GRIN2B: variants seen among roughly 807,000 people sequenced by gnomAD.
The protein encoded by GRIN2B is glutamate receptor ionotropic, NMDA 2B.
A neutral mutation model predicts 114.5 loss-of-function variants in GRIN2B; 5 were observed. That is an observed-to-expected ratio of 0.04 (90% CI 0.02 to 0.09). GRIN2B has a LOEUF of 0.09. GRIN2B is among the 10% of genes least tolerant of loss of function. GRIN2B has a pLI of 1.00. For synonymous variants in GRIN2B, 787 were observed against 745.1 expected, an observed-to-expected ratio of 1.06 and a Z score of -0.92; for missense variants, 1,108 against 1,943.5, an observed-to-expected ratio of 0.57 and a Z score of 8.08.
At chr12:13,576,420 C>A (rs1345543362) in intron 10 of GRIN2B, among the ~76,000 whole-genome samples, 1 of 151,950 alleles carries the variant, frequency 6.6e-6, no homozygotes, top group African/African-American at 2.4e-5. Context: ...CAGTGAGGAC[C>A]CTGAAAAAAT....
At chr12:13,702,120 AC>A (rs1950318668) in intron 4 of GRIN2B, among the ~76,000 whole-genome samples, 1 of 152,212 alleles carries the variant, frequency 6.6e-6, no homozygotes, top group South Asian at 2.1e-4. Context: ...TCTTTCATGT[AC>A]GTAATTGTTC....
intron 5 of GRIN2B, among the ~76,000 whole-genome samples, chr12:13,628,906 T>C (rs1565482457): frequency 6.6e-6 from 1 of 152,062 alleles, no homozygotes; most frequent in Non-Finnish European, 1.5e-5. Flanking sequence ...TGAATACATA[T>C]GAAAAGAAAC....
intron 2 of GRIN2B, among the ~76,000 whole-genome samples, chr12:13,946,305 T>A (rs909245266): frequency 6.6e-6 from 1 of 152,172 alleles, no homozygotes; most frequent in South Asian, 2.1e-4. Flanking sequence ...ACTTCACCAC[T>A]CTTCCAAATT....
intron 10 of GRIN2B, among the ~76,000 whole-genome samples, chr12:13,577,940 G>A (rs756200570): frequency 6.6e-6 from 1 of 152,184 alleles, no homozygotes; most frequent in Non-Finnish European, 1.5e-5. Flanking sequence ...TAAGCATTCA[G>A]CAAGTATTTG....
intron 2 of GRIN2B, among the ~76,000 whole-genome samples, chr12:13,941,244 T>C (rs961964572): frequency 6.6e-6 from 1 of 152,154 alleles, no homozygotes; most frequent in Non-Finnish European, 1.5e-5. Context: ...TTTTAGTATT[T>C]TGATACTCCT....
At position 13,547,981 on chromosome 12, in the gene GRIN2B, A is replaced by ATATATATATTTT; in HGVS notation, c.*14801_*14802insAAAATATATATA. The ATATATATATTTT allele has an allele frequency of 1.0e-4, 7 of 68,546 alleles. No homozygotes were observed. The highest frequency in any genetic ancestry group is 1.5e-4 in the Non-Finnish European group (5 of 34,362). 4.2% of individuals were successfully genotyped at this position (68,546 alleles called of 1,614,324 possible). ...TGTGTATATATATATATATATATAT[A>ATATATATATTTT]TTTTTTTTTTTTTTCTGAAAGCTAC... On this transcript the variant is annotated 3_prime_UTR_variant, in exon 14 of 14. Coordinates refer to ENST00000609686, the MANE Select transcript of GRIN2B (RefSeq NM_000834.5).
chr12:13,966,839 C>G lies in GRIN2B; in HGVS notation c.-19+13089G>C, dbSNP rs116587236. Among the ~76,000 whole-genome samples the G allele has an allele frequency of 6.2e-3, 947 of 152,288 alleles. 10 individuals carry two copies. The highest frequency in any genetic ancestry group is 0.021 in the African/African-American group (867 of 41,546). ...TAAAAACCCAGAATTATTAATACTC[C>G]ATTTGATGGATAAGGAATCTGATAG... On this transcript the variant is annotated intron_variant, in intron 2 of 13. Transcript: ENST00000609686.
intron 2 of GRIN2B, among the ~76,000 whole-genome samples, chr12:13,902,151 A>G (rs1866462592): frequency 6.6e-6 from 1 of 152,192 alleles, no homozygotes; most frequent in African/African-American, 2.4e-5. Flanking sequence ...TAGTTAATGT[A>G]ATGTAAAATA....
chr12:13,791,537 A>G (rs2136665280), intron 3 of GRIN2B, among the ~76,000 whole-genome samples: 1 of 152,172 alleles, frequency 6.6e-6, no homozygotes, highest in South Asian at 2.1e-4. Context: ...AGAATGCACC[A>G]TGGACAGTAT....
intron 2 of GRIN2B, among the ~76,000 whole-genome samples, chr12:13,956,206 T>C (rs1468998199): frequency 6.6e-6 from 1 of 152,088 alleles, no homozygotes; most frequent in Admixed American, 6.5e-5. Context: ...AGTGCACGAA[T>C]GAGCTGGAGC....
At position 13,542,480 on chromosome 12, in the gene GRIN2B, G is replaced by A. The variant is rs1431393977; in HGVS notation, c.*20303C>T. The A allele has an allele frequency of 6.6e-6, 1 of 152,148 alleles. No homozygotes were observed. Among genetic ancestry groups the A allele is most frequent in the Non-Finnish European group, 1.5e-5 (1 of 68,016 alleles). The allele number at this position is 152,148 out of a possible 1,614,324, so 9.4% of individuals were successfully genotyped here. On this transcript the variant is annotated 3_prime_UTR_variant, in exon 14 of 14. Transcript: ENST00000609686. ...GTTAGCAGTGGGGTTTTTAGTAGAAGTTAAAAAAGCAAATATCAGGACTGA... is the reference window on the plus strand; with the variant it reads ...GTTAGCAGTGGGGTTTTTAGTAGAAATTAAAAAAGCAAATATCAGGACTGA...
At chr12:13,695,502 A>AAGAAG (rs1950252258) in intron 4 of GRIN2B, among the ~76,000 whole-genome samples, 1 of 152,200 alleles carries the variant, frequency 6.6e-6, no homozygotes, top group Admixed American at 6.5e-5. Context: ...CTACTTGGCA[A>AAGAAG]AGAAGAGAAG....
In GRIN2B at chr12:13,558,173, G is replaced by A. The variant is rs1278359986; in HGVS notation, c.*4610C>T. On this transcript the variant is annotated 3_prime_UTR_variant, in exon 14 of 14. Coordinates refer to ENST00000609686, the MANE Select transcript of GRIN2B (RefSeq NM_000834.5). The stretch of plus-strand genomic sequence containing the variant: ...CTGCTGTAGTGTGTAGCAGCCTACT[G>A]AGCATGTATTTCCTATATGGCTTTG... 6.6e-6 allele frequency: 1 copy of A among 152,156 alleles called. No individual in the cohort carries two copies. The highest frequency in any genetic ancestry group is 2.4e-5 in the African/African-American group (1 of 41,436). 9.4% of individuals were successfully genotyped at this position (152,156 alleles called of 1,614,324 possible). A position where few individuals can be genotyped will look rare whatever the true frequency, so the allele number is the denominator to read the frequency against.
intron 4 of GRIN2B, among the ~76,000 whole-genome samples, chr12:13,703,581 C>T (rs772987362): frequency 1.3e-5 from 2 of 152,052 alleles, no homozygotes; most frequent in Non-Finnish European, 2.9e-5. Context: ...TTTAATCTCT[C>T]TCTCTACACA....
chr12:13,886,871 T>G (rs969932545), intron 2 of GRIN2B, among the ~76,000 whole-genome samples: 2 of 152,234 alleles, frequency 1.3e-5, no homozygotes, highest in African/African-American at 4.8e-5. Flanking sequence ...TCATGTCACA[T>G]GCACACTCCA....
rs115131149 is a variant in GRIN2B, at chr12:13,893,552, T to C, written c.-18-27326A>G. 7.8e-3 allele frequency among the ~76,000 whole-genome samples: 1,188 copies of C among 152,242 alleles called. 21 individuals carry two copies. Among genetic ancestry groups the C allele is most frequent in the African/African-American group, 0.027 (1,142 of 41,562 alleles). On this transcript the variant is annotated intron_variant, in intron 2 of 13. Transcript: ENST00000609686. ...TATTTGTTTAATCATTATTAACTAA[T>C]GCCAAATCAGAAAAACTTAAGACTT...
chr12:13,841,383 A>G (rs1865376958), intron 3 of GRIN2B, among the ~76,000 whole-genome samples: 1 of 152,202 alleles, frequency 6.6e-6, no homozygotes, highest in South Asian at 2.1e-4. Context: ...ATTGATGAAT[A>G]TGTCACACGG....
intron 2 of GRIN2B, among the ~76,000 whole-genome samples, chr12:13,913,400 G>A (rs1277968272): frequency 1.3e-5 from 2 of 152,052 alleles, no homozygotes; most frequent in Non-Finnish European, 2.9e-5. Context: ...CTCTAACAGT[G>A]CCCCCTTTGA....
In GRIN2B at chr12:13,558,601, C is replaced by A. The variant is rs1948502184; in HGVS notation, c.*4182G>T. ...CACGGAAGACCGGGTGAGTGATAGT[C>A]ACTTAACTGTATAGACAACTCCTAC... On this transcript the variant is annotated 3_prime_UTR_variant, in exon 14 of 14. Coordinates refer to ENST00000609686, the MANE Select transcript of GRIN2B (RefSeq NM_000834.5). 6.6e-6 allele frequency: 1 copy of A among 152,170 alleles called. No homozygotes were observed. Among genetic ancestry groups the A allele is most frequent in the Admixed American group, 6.5e-5 (1 of 15,280 alleles). 9.4% of individuals were successfully genotyped at this position (152,170 alleles called of 1,614,324 possible). A position where few individuals can be genotyped will look rare whatever the true frequency, so the allele number is the denominator to read the frequency against.
Sources: gnomAD v4.1 joint callset for allele counts (sites outside exome capture counted in the v4.1 genomes callset) on GRCh38, gnomAD v4.1.1 for gene constraint, MANE v1.5 for transcripts, NCBI Gene and HGNC (gene_info 2026-07-23, HGNC 2026-07-21) for gene names.